NGEF: variants seen among roughly 807,000 people sequenced by gnomAD.
NGEF encodes ephexin-1.
In NGEF, 31 loss-of-function variants were observed where a neutral mutation model predicts 80.9. That is an observed-to-expected ratio of 0.38 (90% CI 0.29 to 0.52). The LOEUF is 0.52. Among genes scored for constraint, NGEF ranks in the 20% least tolerant of loss-of-function variants. The pLI, the probability that NGEF is intolerant of heterozygous loss-of-function variation, is 0.84. For synonymous variants in NGEF, 371 were observed against 370.2 expected (o/e 1.00, Z -0.03); for missense variants, 709 against 926.2 (o/e 0.77, Z 3.04).
intron 8 of NGEF, chr2:232,890,957 C>T: frequency 2.1e-6 from 1 of 473,006 alleles, no homozygotes; most frequent in Non-Finnish European, 4.4e-6. Flanking sequence ...GGCCTTTGCA[C>T]AAGCGGTTCC....
intron 8 of NGEF, 69 bp downstream of exon 8, chr2:232,891,289 C>T (rs775590395): frequency 1.6e-5 from 25 of 1,587,260 alleles, no homozygotes; most frequent in Non-Finnish European, 2.1e-5. Flanking sequence ...AGAAAGCTGA[C>T]AGGGCCCGGG....
At chr2:232,950,450 C>T (rs1693654479) in intron 3 of NGEF, among the ~76,000 whole-genome samples, 1 of 150,370 alleles carries the variant, frequency 6.7e-6, no homozygotes, top group Non-Finnish European at 1.5e-5. Flanking sequence ...GGACCCCCCA[C>T]CCCCAAATCC....
intron 3 of NGEF, among the ~76,000 whole-genome samples, chr2:232,940,745 A>C (rs565654565): frequency 6.6e-6 from 1 of 152,358 alleles, no homozygotes; most frequent in East Asian, 1.9e-4. Flanking sequence ...GTATGCTCTT[A>C]CTTTGTTTAT....
chr2:232,980,654 G>A (rs377269747), intron 1 of NGEF, among the ~76,000 whole-genome samples: 30 of 152,086 alleles, frequency 2.0e-4, no homozygotes, highest in Admixed American at 1.2e-3. Context: ...GCCTATCACC[G>A]TGCCTGGCTA....
intron 1 of NGEF, among the ~76,000 whole-genome samples, chr2:232,986,179 A>T (rs1694528426): frequency 6.6e-6 from 1 of 152,222 alleles, no homozygotes; most frequent in Non-Finnish European, 1.5e-5. Flanking sequence ...ACCTGTCAGC[A>T]TGGCAGTTAT....
intron 3 of NGEF, among the ~76,000 whole-genome samples, chr2:232,942,869 G>C (rs1294280316): frequency 4.6e-5 from 6 of 130,410 alleles, no homozygotes; most frequent in South Asian, 2.3e-4. Context: ...TATTTTCCGG[G>C]GGGGAGTCAG....
At chr2:232,937,863 T>C (rs942185635) in intron 3 of NGEF, among the ~76,000 whole-genome samples, 1 of 152,330 alleles carries the variant, frequency 6.6e-6, no homozygotes, top group African/African-American at 2.4e-5. Flanking sequence ...TGCCTAAAGC[T>C]TGGGGGAGGT....
chr2:232,923,926 A>G (rs1693002793), intron 4 of NGEF, among the ~76,000 whole-genome samples: 1 of 151,992 alleles, frequency 6.6e-6, no homozygotes, highest in African/African-American at 2.4e-5. Flanking sequence ...AGAGGGATTC[A>G]TGCCTTCCCT....
chr2:232,913,342 G>A (rs1354648108), intron 5 of NGEF, among the ~76,000 whole-genome samples: 3 of 152,208 alleles, frequency 2.0e-5, no homozygotes, highest in African/African-American at 7.2e-5. Flanking sequence ...TAGGGTCAGA[G>A]AACATACTTT....
chr2:232,924,384 C>T (rs755055886), intron 4 of NGEF, among the ~76,000 whole-genome samples: 24 of 152,066 alleles, frequency 1.6e-4, no homozygotes, highest in Non-Finnish European at 3.2e-4. Flanking sequence ...CTGTTGGCAC[C>T]GTGATCTTGG....
chr2:233,008,201 G>A (rs187343400), intron 1 of NGEF, among the ~76,000 whole-genome samples: 1 of 152,344 alleles, frequency 6.6e-6, no homozygotes, highest in East Asian at 1.9e-4. Flanking sequence ...AACACTGAGT[G>A]TATCAGCTGA....
intron 5 of NGEF, among the ~76,000 whole-genome samples, chr2:232,905,482 C>A (rs1459635356): frequency 6.6e-6 from 1 of 152,330 alleles, no homozygotes; most frequent in East Asian, 1.9e-4. Context: ...CCTGTCTTGG[C>A]CCCCCAAAGT....
chr2:232,905,018 C>T (rs1692459265), intron 5 of NGEF, among the ~76,000 whole-genome samples: 2 of 152,156 alleles, frequency 1.3e-5, no homozygotes, highest in South Asian at 4.1e-4. Context: ...TTTCCCATTT[C>T]AGCTAGATAA....
chr2:233,007,186 A>G lies in NGEF; in HGVS notation c.-75+5882T>C, dbSNP rs374016684. On this transcript the variant is annotated intron_variant, in intron 1 of 14. Coordinates refer to ENST00000264051, the MANE Select transcript of NGEF (RefSeq NM_019850.3). ...TTGAGCCTGAGAGGTCAAGGGTGCA[A>G]TGAGCCATGATCCCACCACTGCACT... Among the ~76,000 whole-genome samples the G allele has an allele frequency of 1.1e-4, 16 of 152,250 alleles. No individual in the cohort carries two copies. The East Asian group carries it at 2.7e-3, about 26-fold the overall frequency.
Position 232,881,290 on chromosome 2 carries a change from C to G in NGEF, c.1838-40G>C, listed in dbSNP as rs1409853885. ...GCACGGGCACATCCCCACCACCGCACTACCCACCTGCACACTCCCACCAAG... is the reference window on the plus strand; with the variant it reads ...GCACGGGCACATCCCCACCACCGCAGTACCCACCTGCACACTCCCACCAAG... On this transcript the variant is annotated intron_variant, in intron 13 of 14. Coordinates refer to ENST00000264051, the MANE Select transcript of NGEF (RefSeq NM_019850.3). 4 of 1,511,800 alleles carry G rather than the reference C, an allele frequency of 2.6e-6. No individual in the cohort carries two copies. In the Admixed American group the frequency reaches 5.0e-5, roughly 19 times the overall value. 93.6% of individuals were successfully genotyped at this position (1,511,800 alleles called of 1,614,324 possible).
At chr2:232,914,081 G>A (rs1302573013) in intron 5 of NGEF, among the ~76,000 whole-genome samples, 1 of 152,132 alleles carries the variant, frequency 6.6e-6, no homozygotes, top group Non-Finnish European at 1.5e-5. Context: ...CTGGCCACTT[G>A]TATTTGTAAA....
intron 1 of NGEF, among the ~76,000 whole-genome samples, chr2:233,005,682 G>C (rs765151753): frequency 6.6e-6 from 1 of 152,180 alleles, no homozygotes; most frequent in African/African-American, 2.4e-5. Context: ...CTGGAGGCTG[G>C]AAAAGGCAGG....
chr2:232,925,571 A>C (rs1693045165), intron 4 of NGEF, among the ~76,000 whole-genome samples: 1 of 152,148 alleles, frequency 6.6e-6, no homozygotes, highest in Non-Finnish European at 1.5e-5. Flanking sequence ...CCACCAGCCC[A>C]GCAGGTTCAG....
intron 1 of NGEF, among the ~76,000 whole-genome samples, chr2:233,011,095 G>A (rs1695193306): frequency 6.6e-6 from 1 of 152,108 alleles, no homozygotes; most frequent in Non-Finnish European, 1.5e-5. Context: ...GGGGTGAGAG[G>A]GCTGGTGTGC....
Sources: allele counts gnomAD v4.1 joint callset (sites outside exome capture counted in the v4.1 genomes callset), GRCh38; gene constraint gnomAD v4.1.1; transcripts MANE v1.5; gene names NCBI Gene and HGNC (gene_info 2026-07-23, HGNC 2026-07-21).